The following ACTN4 variants were observed in gnomAD, a reference collection of about 807,000 sequenced individuals.
ACTN4 encodes the protein actinin alpha 4, also known as alpha-actinin-4.
ACTN4 carries 18 observed loss-of-function variants against 114.2 expected under a neutral mutation model. That is an observed-to-expected ratio of 0.16 (90% CI 0.11 to 0.23). ACTN4 has a LOEUF of 0.23. ACTN4 is among the 10% of genes least tolerant of loss of function. ACTN4 has a pLI of 1.00. For missense variants in ACTN4, 722 were observed against 1,262.9 expected (o/e 0.57, Z 6.49); for synonymous variants, 515 against 506.3 (o/e 1.02, Z -0.23).
rs1568745203 is a variant in ACTN4, at chr19:38,724,090, C to CG, written c.1692+15dup. On this transcript the variant is annotated intron_variant, in intron 14 of 20. Coordinates refer to ENST00000252699, the MANE Select transcript of ACTN4 (RefSeq NM_004924.6). This position sits in a 1 kb window ranked among gnomAD's most constrained non-coding sequence, Gnocchi z 7.0. ...CGAGGAGATTGAGGTTCGCACCCCC[C>CG]GGCCCCCCATCTTCCCAAGAGCCTC... 6 of 1,613,548 alleles carry CG rather than the reference C, an allele frequency of 3.7e-6. No individual in the cohort carries two copies. The highest frequency in any genetic ancestry group is 5.1e-6 in the Non-Finnish European group (6 of 1,180,018).
chr19:38,723,701 T>C lies in ACTN4; in HGVS notation c.1530T>C (p.His510=), dbSNP rs1249026319. 2 of 1,611,972 alleles carry C rather than the reference T, an allele frequency of 1.2e-6. No homozygotes were observed. The part of the protein sequence containing the change: ...DQWDALGSLT[H]SRREALEKTE... ...GGGACGCCCTCGGCTCTCTGACACA[T>C]AGTCGCAGGGAAGCCCTGGAGGTGA... Residue 510 remains histidine, a synonymous_variant, in exon 13 of 21, where the codon CAT becomes CAC. Coordinates refer to ENST00000252699, the MANE Select transcript of ACTN4 (RefSeq NM_004924.6).
Position 38,729,287 on chromosome 19 carries a change from C to T in ACTN4, c.2591C>T (p.Ala864Val), listed in dbSNP as rs974205204. ...TGCCTGCCCCAGAACTTCATCACAG[C>T]TGAGGAGCTGCGGAGAGAGCTGCCC... ...VLAGDKNFIT[A>V]EELRRELPPD... The change falls in exon 21 of 21, where the codon GCT becomes GTT. Residue 864 changes from alanine (A) to valine (V), a missense_variant. Coordinates refer to ENST00000252699, the MANE Select transcript of ACTN4 (RefSeq NM_004924.6). 4 of 1,612,740 alleles carry T rather than the reference C, an allele frequency of 2.5e-6. No homozygotes were observed. The East Asian group carries it at 6.7e-5, about 27-fold the overall frequency.
chr19:38,650,793 G>A (rs1599753560), intron 1 of ACTN4, among the ~76,000 whole-genome samples: 1 of 151,736 alleles, frequency 6.6e-6, no homozygotes, highest in Admixed American at 6.6e-5. Context: ...CTTGTTGCCC[G>A]GGCGTGATCT....
chr19:38,648,628 G>A (rs1366827613), intron 1 of ACTN4, among the ~76,000 whole-genome samples: 1 of 151,776 alleles, frequency 6.6e-6, no homozygotes, highest in Admixed American at 6.6e-5. Context: ...GCGGAAGGAA[G>A]AAGTTAAGGG....
At chr19:38,692,612 A>G (rs2144962751) in intron 1 of ACTN4, among the ~76,000 whole-genome samples, 1 of 152,328 alleles carries the variant, frequency 6.6e-6, no homozygotes, top group East Asian at 1.9e-4. Context: ...GTTGGTGATG[A>G]AGCCCATGGG....
rs1967763598 is a variant in ACTN4, at chr19:38,686,953, G to A, written c.163-13647G>A. ...CATCCATTCCAGTCTAACAAATCTG[G>A]TGGCAGAGTCTCTTTTTTTTTTTTT... On this transcript the variant is annotated intron_variant, in intron 1 of 20. Coordinates refer to ENST00000252699, the MANE Select transcript of ACTN4 (RefSeq NM_004924.6). Among the ~76,000 whole-genome samples, 3 of 148,410 alleles carry A rather than the reference G, an allele frequency of 2.0e-5. No homozygotes were observed. The Admixed American group carries it at 2.1e-4, about 10-fold the overall frequency.
chr19:38,685,442 A>G (rs562344351), intron 1 of ACTN4, among the ~76,000 whole-genome samples: 1 of 152,216 alleles, frequency 6.6e-6, no homozygotes, highest in Non-Finnish European at 1.5e-5. Context: ...CCCCTCATCC[A>G]GTGCTCACGG....
At chr19:38,711,176 T>C (rs2279145) in intron 8 of ACTN4, 30,298 of 469,632 alleles carry the variant, frequency 0.065, 1,060 homozygotes, top group South Asian at 0.098. Context: ...CCAGAGCAAG[T>C]GCTCTTCCTC....
chr19:38,727,236 G>GCT lies in ACTN4; in HGVS notation c.2337+133_2337+134insCT. ...TCGGCCGCCACTCCCAGGGCCAGCA[G>GCT]GGCCCTGCCACTGTCAGGGTGTAGG... On this transcript the variant is annotated intron_variant, in intron 18 of 20. Transcript: ENST00000252699. The surrounding 1 kb of genome is among the most constrained non-coding windows in gnomAD (Gnocchi z 5.4). 2.2e-6 allele frequency: 3 copies of GCT among 1,376,830 alleles called. No homozygotes were observed. The highest frequency in any genetic ancestry group is 3.0e-6 in the Non-Finnish European group (3 of 993,038). The allele number at this position is 1,376,830 out of a possible 1,614,324, so 85.3% of individuals were successfully genotyped here. A position where few individuals can be genotyped will look rare whatever the true frequency, so the allele number is the denominator to read the frequency against.
intron 1 of ACTN4, among the ~76,000 whole-genome samples, chr19:38,673,701 T>TTATATATATTA (rs1330496045): frequency 1.6e-5 from 1 of 60,614 alleles, no homozygotes; most frequent in African/African-American, 5.3e-5. Context: ...TTATATATAT[T>TTATATATATTA]TATATATTTA....
Position 38,658,525 on chromosome 19 carries a change from CTA to C in ACTN4, c.162+10624_162+10625del, listed in dbSNP as rs1437164963. Among the ~76,000 whole-genome samples the C allele has an allele frequency of 4.6e-5, 7 of 152,270 alleles. No individual in the cohort carries two copies. In the East Asian group the frequency reaches 1.4e-3, roughly 29 times the overall value. On this transcript the variant is annotated intron_variant, in intron 1 of 20. Transcript: ENST00000252699. ...AAGAAAATGAGTACCTTGCCTTAAACTATATATTGGATGAAAATATTAAACAC... is the reference window on the plus strand; with the variant it reads ...AAGAAAATGAGTACCTTGCCTTAAACTATATTGGATGAAAATATTAAACAC...
At chr19:38,704,170 ATGT>A (rs1968376904) in intron 3 of ACTN4, among the ~76,000 whole-genome samples, 1 of 152,118 alleles carries the variant, frequency 6.6e-6, no homozygotes, top group African/African-American at 2.4e-5. Context: ...AACTAGCAAG[ATGT>A]TGTGGCATGC....
chr19:38,710,247 T>TCA lies in ACTN4; in HGVS notation c.734-8_734-7dup, dbSNP rs1161651646. 6.2e-7 allele frequency: 1 copy of TCA among 1,613,950 alleles called. No individual in the cohort carries two copies. Among genetic ancestry groups the TCA allele is most frequent in the Non-Finnish European group, 8.5e-7 (1 of 1,180,014 alleles). On this transcript the variant is annotated splice_polypyrimidine_tract_variant and intron_variant, in intron 7 of 20. Transcript: ENST00000252699. ...ACTCGGGCAGTTTAACCCTTGTTGT[T>TCA]CACTTGCAGACATCGTGAACACGGC... is the stretch of plus-strand genomic sequence containing the variant.
rs80275943 is a variant in ACTN4 at position 38,712,351 on chromosome 19, C to G, written c.819+2009C>G. 7.2e-4 allele frequency among the ~76,000 whole-genome samples: 109 copies of G among 152,330 alleles called. 1 individual carries two copies. The highest frequency in any genetic ancestry group is 2.5e-3 in the African/African-American group (105 of 41,582). On this transcript the variant is annotated intron_variant, in intron 8 of 20. Transcript: ENST00000252699. ...GGCCCCACTCTGCCACCTCTTGGTA[C>G]TGTGACCTTGGGTGGGTCACTTGAC...
At chr19:38,660,000 GCCTCTGT>G (rs1314845125) in intron 1 of ACTN4, among the ~76,000 whole-genome samples, 11 of 148,544 alleles carry the variant, frequency 7.4e-5, no homozygotes. Context: ...GCTCACTGCA[GCCTCTGT>G]CTCCCAGATT....
At chr19:38,710,137 C>T (rs994245909) in intron 7 of ACTN4, 120 bp from the exon 8 acceptor site, 13 of 1,016,628 alleles carry the variant, frequency 1.3e-5, no homozygotes, top group East Asian at 4.8e-5. Flanking sequence ...CCAAGTCACG[C>T]GTCACTCTGC....
chr19:38,659,065 C>CTTTTTTTTTTTTTTTTTTTTTTTT (rs577141157), intron 1 of ACTN4, among the ~76,000 whole-genome samples: 52 of 111,676 alleles, frequency 4.7e-4, no homozygotes, highest in East Asian at 1.5e-3. Context: ...CTTTTCTTTT[C>CTTTTTTTTTTTTTTTTTTTTTTTT]TTTTTTTTTT....
chr19:38,682,651 C>T lies in ACTN4; in HGVS notation c.163-17949C>T, dbSNP rs368555109. 5.3e-5 allele frequency among the ~76,000 whole-genome samples: 8 copies of T among 152,174 alleles called. No individual in the cohort carries two copies. In the East Asian group the frequency reaches 1.2e-3, roughly 22 times the overall value. ...TGGGATTGGGGCGGCGTTCTCCGCG[C>T]GAAATCTGGCTGTGCTCCTCCCCCA... On this transcript the variant is annotated intron_variant, in intron 1 of 20. Transcript: ENST00000252699.
At chr19:38,728,445 T>TCCTCCCCCCCACCTCTCCC in intron 19 of ACTN4, 3 of 828,870 alleles carry the variant, frequency 3.6e-6, no homozygotes, top group Non-Finnish European at 4.6e-6. Context: ...CTCCTCCTCC[T>TCCTCCCCCCCACCTCTCCC]CCTCCCCCCC....
Sources: allele counts gnomAD v4.1 joint callset (sites outside exome capture counted in the v4.1 genomes callset), GRCh38; gene constraint gnomAD v4.1.1; non-coding constraint Gnocchi (gnomAD v3.1); transcripts MANE v1.5; gene names NCBI Gene and HGNC (gene_info 2026-07-23, HGNC 2026-07-21).